CRYGN: variants seen among roughly 807,000 people sequenced by gnomAD.
CRYGN encodes gamma-crystallin N.
A neutral mutation model predicts 19.2 loss-of-function variants in CRYGN; 17 were observed. That is an observed-to-expected ratio of 0.89 (90% CI 0.61 to 1.33). The LOEUF (loss-of-function observed/expected upper bound fraction) is 1.33. Ranked by LOEUF, CRYGN falls within the 40% of genes most tolerant of loss-of-function variation. CRYGN has a pLI of 0.00. For missense variants in CRYGN, 239 were observed against 239.6 expected (o/e 1.00, Z 0.02); for synonymous variants, 84 against 85.8 (o/e 0.98, Z 0.12).
Position 151,429,789 on chromosome 7 carries a change from C to G in CRYGN, c.*259G>C, listed in dbSNP as rs183989824. On this transcript the variant is annotated 3_prime_UTR_variant, in exon 4 of 4. Transcript: ENST00000337323. ...CCATCATCAGCTGTGGGCTGAGGTG[C>G]GAGATTGTGGAGGCCTGAGGCCAGC... 46 of 537,478 alleles carry G rather than the reference C, an allele frequency of 8.6e-5. No homozygotes were observed. In the Admixed American group the frequency reaches 1.5e-3, roughly 17 times the overall value. 33.3% of individuals were successfully genotyped at this position (537,478 alleles called of 1,614,324 possible).
intron 1 of CRYGN, among the ~76,000 whole-genome samples, chr7:151,439,414 G>T (rs1424209226): frequency 6.6e-6 from 1 of 152,196 alleles, no homozygotes; most frequent in African/African-American, 2.4e-5. Context: ...ACCAGGCACG[G>T]CTGGTAGAGG....
In CRYGN at chr7:151,433,211, C is replaced by T. The variant is rs1801512288; in HGVS notation, c.416+2969G>A. ...TTTACAGAGCCTGGAGGACCTCGGG[C>T]TGGTGGGGGCAGGAGAGAACACAGC... On this transcript the variant is annotated intron_variant, in intron 3 of 3. Transcript: ENST00000337323. This position sits in a 1 kb window ranked among gnomAD's most constrained non-coding sequence, Gnocchi z 5.1. Among the ~76,000 whole-genome samples, 1 of 152,198 alleles carries T rather than the reference C, an allele frequency of 6.6e-6. No homozygotes were observed. Among genetic ancestry groups the T allele is most frequent in the South Asian group, 2.1e-4 (1 of 4,830 alleles).
Position 151,435,991 on chromosome 7 carries a change from C to T in CRYGN, c.416+189G>A, listed in dbSNP as rs545004399. On this transcript the variant is annotated intron_variant, in intron 3 of 3. Coordinates refer to ENST00000337323, the MANE Select transcript of CRYGN (RefSeq NM_144727.3). This position sits in a 1 kb window ranked among gnomAD's most constrained non-coding sequence, Gnocchi z 4.2. ...CTTCTGGGCCACAGGGGAAGCTCCC[C>T]GCTGCTTGACTGGGGCAGGTGAGGC... Among the ~76,000 whole-genome samples the T allele has an allele frequency of 6.6e-6, 1 of 152,248 alleles. No individual in the cohort carries two copies. Among genetic ancestry groups the T allele is most frequent in the East Asian group, 1.9e-4 (1 of 5,158 alleles).
At chr7:151,439,095 C>T (rs1006928408) in intron 1 of CRYGN, 4 of 152,228 alleles carry the variant, frequency 2.6e-5, no homozygotes, top group Admixed American at 6.5e-5. Flanking sequence ...TCACTATGGT[C>T]GCTTGTGCCT....
rs979031791 is a variant in CRYGN at position 151,429,716 on chromosome 7, G to A, written c.*332C>T. 14 of 371,872 alleles carry A rather than the reference G, an allele frequency of 3.8e-5. No individual in the cohort carries two copies. Among genetic ancestry groups the A allele is most frequent in the Non-Finnish European group, 7.0e-5 (14 of 199,408 alleles). The allele number at this position is 371,872 out of a possible 1,614,324, so 23.0% of individuals were successfully genotyped here. On this transcript the variant is annotated 3_prime_UTR_variant, in exon 4 of 4. Coordinates refer to ENST00000337323, the MANE Select transcript of CRYGN (RefSeq NM_144727.3). ...AATTACACAGATTCCAGCTACTACA[G>A]AGCCTGGCATTAAGTCAGTGCTCCA...
At chr7:151,434,589 G>C (rs572867566) in intron 3 of CRYGN, among the ~76,000 whole-genome samples, 1 of 152,150 alleles carries the variant, frequency 6.6e-6, no homozygotes, top group Non-Finnish European at 1.5e-5. Flanking sequence ...CTATCCCTGG[G>C]AACTGGTTCC....
chr7:151,436,296 G>A lies in CRYGN; in HGVS notation c.300C>T (p.Phe100=), dbSNP rs113942095. ...MHGEHFRLEI[F]EGCNFTGQCL... is the part of the protein sequence containing the mutation. Reference sequence around the variant, plus strand: ...ACTGGCCCGTGAAGTTGCAACCCTCGAAGATTTCTAGGCGGAAATGTTCTC... The same window carrying A: ...ACTGGCCCGTGAAGTTGCAACCCTCAAAGATTTCTAGGCGGAAATGTTCTC... Residue 100 remains phenylalanine (F), a synonymous_variant, in exon 3 of 4, where the codon TTC becomes TTT. Coordinates refer to ENST00000337323, the MANE Select transcript of CRYGN (RefSeq NM_144727.3). This position sits in a 1 kb window ranked among gnomAD's most constrained non-coding sequence, Gnocchi z 5.1. 8.4e-5 allele frequency: 133 copies of A among 1,589,946 alleles called. No individual in the cohort carries two copies. In the African/African-American group the frequency reaches 1.4e-3, roughly 17 times the overall value.
chr7:151,430,481 G>A lies in CRYGN; in HGVS notation c.417-301C>T, dbSNP rs933295002. ...TTCCATTGCTCTCTCAGTGAGGGAT[G>A]GGGAGAGGTTGGAGGACACCCAGGA... On this transcript the variant is annotated intron_variant, in intron 3 of 3. Transcript: ENST00000337323. The surrounding 1 kb of genome is among the most constrained non-coding windows in gnomAD (Gnocchi z 5.2). Among the ~76,000 whole-genome samples, 1 of 152,186 alleles carries A rather than the reference G, an allele frequency of 6.6e-6. No individual in the cohort carries two copies. Among genetic ancestry groups the A allele is most frequent in the African/African-American group, 2.4e-5 (1 of 41,448 alleles).
intron 3 of CRYGN, chr7:151,432,426 C>T (rs181094435): frequency 1.1e-4 from 46 of 418,152 alleles, no homozygotes; most frequent in Middle Eastern, 1.2e-3. Context: ...AAGGCACCCA[C>T]GGTGCCTTCC....
Position 151,429,358 on chromosome 7 carries a change from C to T in CRYGN, c.*690G>A, listed in dbSNP as rs937086311. 2 of 152,634 alleles carry T rather than the reference C, an allele frequency of 1.3e-5. No individual in the cohort carries two copies. The highest frequency in any genetic ancestry group is 4.8e-5 in the African/African-American group (2 of 41,442). The allele number at this position is 152,634 out of a possible 1,614,324, so 9.5% of individuals were successfully genotyped here. A position where few individuals can be genotyped will look rare whatever the true frequency, so the allele number is the denominator to read the frequency against. On this transcript the variant is annotated 3_prime_UTR_variant, in exon 4 of 4. Coordinates refer to ENST00000337323, the MANE Select transcript of CRYGN (RefSeq NM_144727.3). ...TACTAACCAGCCCTCATATGGCACC[C>T]GCTCATGGGTCACGCCTTTGGCTTT...
chr7:151,432,091 C>T (rs768361460), intron 3 of CRYGN: 19 of 876,002 alleles, frequency 2.2e-5, no homozygotes, highest in East Asian at 3.3e-5. Flanking sequence ...TGGGTGGGAC[C>T]GCAAGGGGTT....
chr7:151,437,166 C>G (rs1801631954), intron 2 of CRYGN, among the ~76,000 whole-genome samples: 1 of 152,226 alleles, frequency 6.6e-6, no homozygotes, highest in African/African-American at 2.4e-5. Flanking sequence ...GGTTTTGCAA[C>G]TGATACAGAA....
At chr7:151,440,395 A>G (rs1475391194), upstream of CRYGN, 2 of 166,076 alleles carry the variant, frequency 1.2e-5, no homozygotes, top group Non-Finnish European at 2.6e-5. Context: ...CTCCACGAGG[A>G]TGCAACCCAA....
chr7:151,439,204 A>T (rs1801700302), intron 1 of CRYGN: 1 of 152,240 alleles, frequency 6.6e-6, no homozygotes, highest in Admixed American at 6.5e-5. Flanking sequence ...AAGGAGGCAG[A>T]CACCTTGGCG....
At chr7:151,440,585 C>T (rs74542726), upstream of CRYGN, 3,237 of 153,800 alleles carry the variant, frequency 0.021, 61 homozygotes, top group Non-Finnish European at 0.033. Flanking sequence ...TTCCTGCCTG[C>T]CTCCCTCCCT....
In CRYGN at chr7:151,433,320, G is replaced by T. The variant is rs1801516564; in HGVS notation, c.416+2860C>A. 6.6e-6 allele frequency among the ~76,000 whole-genome samples: 1 copy of T among 152,246 alleles called. No individual in the cohort carries two copies. The highest frequency in any genetic ancestry group is 1.5e-5 in the Non-Finnish European group (1 of 68,036). ...AGGGAACGGGGGACCAGGAGGAAGGGACTGGAGGTCCAGGATAGTGGCCTT... is the reference window on the plus strand; with the variant it reads ...AGGGAACGGGGGACCAGGAGGAAGGTACTGGAGGTCCAGGATAGTGGCCTT... On this transcript the variant is annotated intron_variant, in intron 3 of 3. Transcript: ENST00000337323. The surrounding 1 kb of genome is among the most constrained non-coding windows in gnomAD (Gnocchi z 5.1).
At chr7:151,438,324 C>A in intron 1 of CRYGN, 80 bp from the exon 2 acceptor site, 3 of 1,425,952 alleles carry the variant, frequency 2.1e-6, no homozygotes, top group South Asian at 1.3e-5. Context: ...GGTCCCAACA[C>A]CCTGGATGGA....
In CRYGN at chr7:151,430,322, T is replaced by A; in HGVS notation, c.417-142A>T. ...TGGACGGTTGCCTAGTGGTTTCATG[T>A]CTTCATTTGGCCTCGGCTGTCATGG... is the stretch of plus-strand genomic sequence containing the variant. On this transcript the variant is annotated intron_variant, in intron 3 of 3. Transcript: ENST00000337323. The surrounding 1 kb of genome is among the most constrained non-coding windows in gnomAD (Gnocchi z 5.2). 1 of 813,396 alleles carries A rather than the reference T, an allele frequency of 1.2e-6. No homozygotes were observed. The highest frequency in any genetic ancestry group is 1.9e-6 in the Non-Finnish European group (1 of 522,654). The allele number at this position is 813,396 out of a possible 1,614,324, so 50.4% of individuals were successfully genotyped here.
Position 151,440,050 on chromosome 7 carries a change from G to T in CRYGN, c.-133C>A, listed in dbSNP as rs982148437. 1 of 1,352,602 alleles carries T rather than the reference G, an allele frequency of 7.4e-7. No individual in the cohort carries two copies. The highest frequency in any genetic ancestry group is 9.5e-7 in the Non-Finnish European group (1 of 1,054,962). 83.8% of individuals were successfully genotyped at this position (1,352,602 alleles called of 1,614,324 possible). ...GCTGTCGGGCGTGCTAAGCCCGAGG[G>T]GCCACCAGGCGGTTGGGACCCGCCG... On this transcript the variant is annotated 5_prime_UTR_variant, in exon 1 of 4. Coordinates refer to ENST00000337323, the MANE Select transcript of CRYGN (RefSeq NM_144727.3).
Sources: gnomAD v4.1 joint callset for allele counts (sites outside exome capture counted in the v4.1 genomes callset) on GRCh38, gnomAD v4.1.1 for gene constraint, Gnocchi (gnomAD v3.1) non-coding constraint, MANE v1.5 for transcripts, NCBI Gene and HGNC (gene_info 2026-07-23, HGNC 2026-07-21) for gene names.